MYO10: variants seen among roughly 807,000 people sequenced by gnomAD.
MYO10 encodes myosin X.
In MYO10, 133 loss-of-function variants were observed where a neutral mutation model predicts 257.3. The ratio of observed to expected loss-of-function variants is 0.52; its 90% CI spans 0.45 to 0.60. The LOEUF is 0.60. Among genes scored for constraint, MYO10 ranks in the 20% least tolerant of loss-of-function variants. The pLI is 0.00. For synonymous variants in MYO10, 1,104 were observed against 1,028.6 expected (o/e 1.07, Z -1.40); for missense variants, 2,399 against 2,635.7 (o/e 0.91, Z 1.97).
At chr5:16,782,556 C>T (rs1258287095) in intron 5 of MYO10, among the ~76,000 whole-genome samples, 1 of 152,200 alleles carries the variant, frequency 6.6e-6, no homozygotes, top group African/African-American at 2.4e-5. Context: ...ACAGTTAACA[C>T]ACATTTAGTG....
chr5:16,901,858 G>A (rs1010549841), intron 1 of MYO10, among the ~76,000 whole-genome samples: 26 of 152,096 alleles, frequency 1.7e-4, no homozygotes, highest in Non-Finnish European at 1.0e-4. Context: ...TCCCTGGCAC[G>A]TTCTAGAGCC....
intron 19 of MYO10, chr5:16,741,965 A>C (rs1740031957): frequency 1.0e-6 from 1 of 985,248 alleles, no homozygotes; most frequent in Non-Finnish European, 1.2e-6. Context: ...TGTGCTGCTT[A>C]ATTCATTCCT....
chr5:16,760,220 G>A (rs577635498), intron 17 of MYO10, among the ~76,000 whole-genome samples: 1 of 151,562 alleles, frequency 6.6e-6, no homozygotes, highest in East Asian at 1.9e-4. Context: ...GGGAGGCCGA[G>A]GTGGGCGGAT....
intron 30 of MYO10, among the ~76,000 whole-genome samples, chr5:16,682,645 G>T (rs890144231): frequency 6.6e-6 from 1 of 152,002 alleles, no homozygotes; most frequent in Non-Finnish European, 1.5e-5. Flanking sequence ...TCTATCTAAC[G>T]GCTTAAGCTA....
At chr5:16,912,951 C>T (rs1745708307) in intron 1 of MYO10, among the ~76,000 whole-genome samples, 1 of 147,958 alleles carries the variant, frequency 6.8e-6, no homozygotes, top group Non-Finnish European at 1.5e-5. Context: ...GGCCACCTGC[C>T]AATTGAACAC....
chr5:16,854,409 C>T (rs1324751870), intron 2 of MYO10, among the ~76,000 whole-genome samples: 2 of 152,076 alleles, frequency 1.3e-5, no homozygotes, highest in African/African-American at 2.4e-5. Context: ...CCATGGGTGA[C>T]CCCTGAAAAC....
chr5:16,892,882 T>C (rs934395074), intron 1 of MYO10, among the ~76,000 whole-genome samples: 1 of 151,776 alleles, frequency 6.6e-6, no homozygotes, highest in East Asian at 1.9e-4. Context: ...CCAGCTACTT[T>C]CCAGACACAA....
Position 16,681,902 on chromosome 5 carries a change from G to C in MYO10, c.4158C>G (p.Thr1386=), listed in dbSNP as rs1425105618. 6.2e-7 allele frequency: 1 copy of C among 1,613,846 alleles called. No homozygotes were observed. Among genetic ancestry groups the C allele is most frequent in the Non-Finnish European group, 8.5e-7 (1 of 1,179,890 alleles). Residue 1386 remains threonine (T), a synonymous_variant, in exon 31 of 41, where the codon ACC becomes ACG. Coordinates refer to ENST00000513610, the MANE Select transcript of MYO10 (RefSeq NM_012334.3). ...ITLLQRSKGD[T]RVEGQEFIVR... ...CGATGAATTCCTGGCCCTCCACTCT[G>C]GTGTCCCCTTTGGACCTCTGCAGCA...
chr5:16,847,549 A>G (rs1743673164), intron 2 of MYO10, among the ~76,000 whole-genome samples: 1 of 152,104 alleles, frequency 6.6e-6, no homozygotes, highest in Non-Finnish European at 1.5e-5. Context: ...TCTAGGCAAC[A>G]TGGCAAAACC....
At chr5:16,817,882 C>T (rs1742670808) in intron 3 of MYO10, 127 bp downstream of exon 3, 1 of 884,732 alleles carries the variant, frequency 1.1e-6, no homozygotes, top group East Asian at 3.0e-5. Context: ...GTGGCAAATC[C>T]CTTGAAAACA....
At chr5:16,839,476 G>C (rs1167972141) in intron 2 of MYO10, among the ~76,000 whole-genome samples, 2 of 152,148 alleles carry the variant, frequency 1.3e-5, no homozygotes, top group Non-Finnish European at 2.9e-5. Flanking sequence ...AGGTGCAGTG[G>C]CTCACACCTG....
At chr5:16,811,776 C>T (rs1201025883) in intron 3 of MYO10, among the ~76,000 whole-genome samples, 1 of 152,134 alleles carries the variant, frequency 6.6e-6, no homozygotes, top group Non-Finnish European at 1.5e-5. Context: ...GTCTTGAACT[C>T]ATGGGCTCAA....
chr5:16,862,866 A>G (rs1165759099), intron 2 of MYO10, among the ~76,000 whole-genome samples: 2 of 152,210 alleles, frequency 1.3e-5, no homozygotes, highest in Non-Finnish European at 2.9e-5. Context: ...CAGCACTGCA[A>G]GACCAGGAGG....
intron 19 of MYO10, among the ~76,000 whole-genome samples, chr5:16,716,219 C>T (rs916795054): frequency 6.6e-6 from 1 of 151,952 alleles, no homozygotes; most frequent in African/African-American, 2.4e-5. Context: ...AGTAGAAATA[C>T]TTATTTCCAC....
In MYO10 at chr5:16,861,454, C is replaced by T. The variant is rs187673857; in HGVS notation, c.120+16155G>A. On this transcript the variant is annotated intron_variant, in intron 2 of 40. Transcript: ENST00000513610. Reference sequence around the variant, plus strand: ...GGCATGGTGGGCAGGCACCTGTAATCCCAGCTACCTGGGAGGCTGAGGCAG... The same window carrying T: ...GGCATGGTGGGCAGGCACCTGTAATTCCAGCTACCTGGGAGGCTGAGGCAG... Among the ~76,000 whole-genome samples the T allele has an allele frequency of 5.4e-3, 822 of 152,138 alleles. 11 individuals are homozygous for T. The highest frequency in any genetic ancestry group is 0.027 in the Middle Eastern group (8 of 294).
At chr5:16,730,184 C>G (rs1365750138) in intron 19 of MYO10, among the ~76,000 whole-genome samples, 1 of 152,160 alleles carries the variant, frequency 6.6e-6, no homozygotes, top group African/African-American at 2.4e-5. Flanking sequence ...GAGGAAGGAC[C>G]AAGAGAACTA....
At chr5:16,806,263 T>G (rs1742273025) in intron 3 of MYO10, among the ~76,000 whole-genome samples, 1 of 147,776 alleles carries the variant, frequency 6.8e-6, no homozygotes, top group South Asian at 2.1e-4. Flanking sequence ...GGTAGAAGAA[T>G]CGGGAGGTGG....
intron 33 of MYO10, among the ~76,000 whole-genome samples, chr5:16,676,560 T>C (rs528697270): frequency 1.3e-5 from 2 of 152,062 alleles, no homozygotes; most frequent in African/African-American, 4.8e-5. Context: ...ACTAAAAATA[T>C]GAAAATTAGC....
chr5:16,666,983 C>G (rs770450121), intron 40 of MYO10, among the ~76,000 whole-genome samples, 190 bp from the exon 41 acceptor site: 1 of 152,210 alleles, frequency 6.6e-6, no homozygotes, highest in Non-Finnish European at 1.5e-5. Flanking sequence ...GGAATCTCAG[C>G]TTTTCCAAAT....
Sources: gnomAD v4.1 joint callset for allele counts (sites outside exome capture counted in the v4.1 genomes callset) on GRCh38, gnomAD v4.1.1 for gene constraint, MANE v1.5 for transcripts, NCBI Gene and HGNC (gene_info 2026-07-23, HGNC 2026-07-21) for gene names.